The following POM121L2 variants were observed in gnomAD, a reference collection of about 807,000 sequenced individuals.
The protein encoded by POM121L2 is POM121-like protein 2.
For synonymous variants in POM121L2, 459 were observed against 483.8 expected (o/e 0.95, Z 0.67); for missense variants, 1,167 against 1,260.3 (o/e 0.93, Z 1.12).
At position 27,310,007 on chromosome 6, in the gene POM121L2, T is replaced by A. The variant is rs539097573; in HGVS notation, c.2164A>T (p.Arg722Trp). Residue 722 changes from arginine (R) to tryptophan (W), a missense_variant, in exon 1 of 1, where the codon AGG becomes TGG. Arg to Trp is a moderately radical substitution (Grantham distance 101, BLOSUM62 -3). Transcript: ENST00000444565. ...ISPRSSTANF[R>W]GMGSPLPASA... ...GCAGGCAGAGGGCTGCCCATACCCC[T>A]GAAATTAGCAGTGCTGCTTCTAGGG... 1 of 1,551,986 alleles carries A rather than the reference T, an allele frequency of 6.4e-7. No individual in the cohort carries two copies. Among genetic ancestry groups the A allele is most frequent in the South Asian group, 1.2e-5 (1 of 84,062 alleles).
rs928051923 is a variant in POM121L2, at chr6:27,311,721, G to A, written c.450C>T (p.Leu150=). The change falls in exon 1 of 1, where the codon CTC becomes CTT. Residue 150 remains leucine (L), a synonymous_variant. Coordinates refer to ENST00000444565, the MANE Select transcript of POM121L2 (RefSeq NM_033482.4). ...ALAGLPPSEE[L]ADPCSKETVL... ...CTGTCTCCTTTGAACATGGATCTGC[G>A]AGCTCCTCAGAGGGCGGGAGTCCTG... The A allele has an allele frequency of 6.4e-6, 10 of 1,551,690 alleles. No homozygotes were observed. The African/African-American group carries it at 1.4e-4, about 21-fold the overall frequency.
Position 27,309,038 on chromosome 6 carries a change from G to C in POM121L2, c.*25C>G. The C allele has an allele frequency of 6.7e-7, 1 of 1,502,894 alleles. No individual in the cohort carries two copies. The highest frequency in any genetic ancestry group is 8.9e-7 in the Non-Finnish European group (1 of 1,117,338). 93.1% of individuals were successfully genotyped at this position (1,502,894 alleles called of 1,614,324 possible). ...AAAAACAATACTGAGGTCTAAATCAGGGTGCAAGTGACAGGGAACACAGGC... is the reference window on the plus strand; with the variant it reads ...AAAAACAATACTGAGGTCTAAATCACGGTGCAAGTGACAGGGAACACAGGC... On this transcript the variant is annotated 3_prime_UTR_variant, in exon 1 of 1. Transcript: ENST00000444565.
At chr6:27,310,987 GT>G (rs1158090061) in intron 1 of POM121L2, 1 of 1,551,762 alleles carries the variant, frequency 6.4e-7, no homozygotes, top group Admixed American at 2.0e-5. Context: ...GGTTAGATCT[GT>G]TTCTGAAGAA....
rs1173395659 is a variant in POM121L2, at chr6:27,310,138, G to A, written c.2033C>T (p.Thr678Ile). 3 of 1,551,974 alleles carry A rather than the reference G, an allele frequency of 1.9e-6. No individual in the cohort carries two copies. Among genetic ancestry groups the A allele is most frequent in the Admixed American group, 2.0e-5 (1 of 51,014 alleles). The change falls in exon 1 of 1, where the codon ACC (threonine) becomes ATC (isoleucine). Residue 678 changes from threonine (T) to isoleucine (I), a missense_variant. Physicochemically the swap from Thr to Ile is moderately conservative, Grantham distance 89. Transcript: ENST00000444565. Reference protein sequence around the residue: ...GTAQAFRADFTPATGFIFPPH... With the variant: ...GTAQAFRADFIPATGFIFPPH... Reference sequence around the variant, plus strand: ...TGGGAAAATGAATCCTGTGGCTGGGGTGAAGTCGGCCCTGAAGGCCTGAGC... The same window carrying A: ...TGGGAAAATGAATCCTGTGGCTGGGATGAAGTCGGCCCTGAAGGCCTGAGC...
rs1337412507 is a variant in POM121L2, at chr6:27,309,982, G to A, written c.2189C>T (p.Ala730Val). ...CCAGTTTGTGGATACTAGGGCAGAG[G>A]CAGGCAGAGGGCTGCCCATACCCCT... ...NFRGMGSPLPASALVSTNWLA... is the reference protein window; with the variant it reads ...NFRGMGSPLPVSALVSTNWLA... Residue 730 changes from alanine (A) to valine (V), a missense_variant, in exon 1 of 1, where the codon GCC (alanine) becomes GTC (valine). By Grantham distance (64) the Ala-to-Val change is moderately conservative. Coordinates refer to ENST00000444565, the MANE Select transcript of POM121L2 (RefSeq NM_033482.4). 3.2e-6 allele frequency: 5 copies of A among 1,551,818 alleles called. No homozygotes were observed. The highest frequency in any genetic ancestry group is 2.0e-5 in the Admixed American group (1 of 51,016).
chr6:27,311,072 T>C lies in POM121L2; in HGVS notation c.1099A>G (p.Thr367Ala). 6.4e-7 allele frequency: 1 copy of C among 1,551,968 alleles called. No individual in the cohort carries two copies. The change falls in exon 1 of 1, where the codon ACA (threonine) becomes GCA (alanine). Residue 367 changes from threonine (T) to alanine (A), a missense_variant. By Grantham distance (58) the Thr-to-Ala change is moderately conservative. Transcript: ENST00000444565. ...LQVSNNAGED[T>A]TEVNTDPFPE... The stretch of plus-strand genomic sequence containing the variant: ...AAAGGGTCTGTGTTGACCTCAGTTG[T>C]ATCTTCTCCTGCGTTGTTGCTTACC...
In POM121L2 at chr6:27,310,687, G is replaced by A. The variant is rs1199546849; in HGVS notation, c.1484C>T (p.Pro495Leu). 3 of 1,551,788 alleles carry A rather than the reference G, an allele frequency of 1.9e-6. No homozygotes were observed. Among genetic ancestry groups the A allele is most frequent in the Non-Finnish European group, 2.6e-6 (3 of 1,147,060 alleles). The change falls in exon 1 of 1, where the codon CCC (proline) becomes CTC (leucine). Residue 495 changes from proline (P) to leucine (L), a missense_variant. Pro to Leu is a moderately conservative substitution (Grantham distance 98). Coordinates refer to ENST00000444565, the MANE Select transcript of POM121L2 (RefSeq NM_033482.4). The part of the protein sequence containing the change: ...STSQADRSPM[P>L]PDPPAPPTIQ... ...GGTGGGTGGTGCAGGTGGGTCTGGG[G>A]GCATGGGAGACCTGTCAGCCTGAGA... is the stretch of plus-strand genomic sequence containing the variant.
At position 27,308,534 on chromosome 6, in the gene POM121L2, T is replaced by C. The variant is rs1427178197; in HGVS notation, c.*529A>G. On this transcript the variant is annotated 3_prime_UTR_variant, in exon 1 of 1. Transcript: ENST00000444565. ...ATCAGCAATAAAAGAAATAAATTATTGATATAAGTAACAACTTGGATAAAT... is the reference window on the plus strand; with the variant it reads ...ATCAGCAATAAAAGAAATAAATTATCGATATAAGTAACAACTTGGATAAAT... Among the ~76,000 whole-genome samples the C allele has an allele frequency of 4.6e-5, 7 of 152,158 alleles. No individual in the cohort carries two copies. Among genetic ancestry groups the C allele is most frequent in the Admixed American group, 2.0e-4 (3 of 15,278 alleles).
Position 27,311,677 on chromosome 6 carries a change from T to C in POM121L2, c.494A>G (p.Glu165Gly), listed in dbSNP as rs1296957992. 1.3e-6 allele frequency: 2 copies of C among 1,551,874 alleles called. No homozygotes were observed. Among genetic ancestry groups the C allele is most frequent in the Admixed American group, 3.9e-5 (2 of 51,004 alleles). The change falls in exon 1 of 1, where the codon GAG becomes GGG. Residue 165 changes from glutamate to glycine, a missense_variant. Glu to Gly is a moderately conservative substitution (Grantham distance 98, BLOSUM62 -2). Transcript: ENST00000444565. ...CAACCTCCCTTTCCCTTTTCTGCAC[T>C]CTCTGAGGGCCCTCAACACTGTCTC... ...SKETVLRALR[E>G]CRKGKGRLEE...
In POM121L2 at chr6:27,312,015, C is replaced by A. The variant is rs899779012; in HGVS notation, c.156G>T (p.Arg52=). ...TTGGCCGCCTCCTCACAGGTCTATA[C>A]CGTGGGGCAGGGTGGGCGCGGTGGA... ...QFVHRAHPAP[R]YRPVRRRPNL... Residue 52 remains arginine (R), a synonymous_variant, in exon 1 of 1, where the codon CGG becomes CGT. Transcript: ENST00000444565. The surrounding 1 kb of genome is among the most constrained non-coding windows in gnomAD (Gnocchi z 6.7). 6.5e-7 allele frequency: 1 copy of A among 1,540,550 alleles called. No homozygotes were observed. Among genetic ancestry groups the A allele is most frequent in the African/African-American group, 1.4e-5 (1 of 72,802 alleles).
chr6:27,310,314 G>A lies in POM121L2; in HGVS notation c.1857C>T (p.Ala619=). Residue 619 remains alanine, a synonymous_variant, in exon 1 of 1, where the codon GCC becomes GCT. Transcript: ENST00000444565. Reference sequence around the variant, plus strand: ...GGGTGGTGGACATGACCACAGAGGTGGCCTTGACCAGGCCATGGAAATGAT... The same window carrying A: ...GGGTGGTGGACATGACCACAGAGGTAGCCTTGACCAGGCCATGGAAATGAT... ...STHHFHGLVK[A]TSVVMSTTLA... 1 of 1,552,250 alleles carries A rather than the reference G, an allele frequency of 6.4e-7. No individual in the cohort carries two copies. The highest frequency in any genetic ancestry group is 8.7e-7 in the Non-Finnish European group (1 of 1,147,110).
At position 27,309,443 on chromosome 6, in the gene POM121L2, G is replaced by A. The variant is rs1350207902; in HGVS notation, c.2728C>T (p.Pro910Ser). The change falls in exon 1 of 1, where the codon CCA becomes TCA. Residue 910 changes from proline (P) to serine (S), a missense_variant. By Grantham distance (74) the Pro-to-Ser change is moderately conservative (BLOSUM62 -1). Transcript: ENST00000444565. ...GCTCCAGAGGTGGGGCTCATGTCTGGACCAGTCATTATGATCCCAGACTCA... is the reference window on the plus strand; with the variant it reads ...GCTCCAGAGGTGGGGCTCATGTCTGAACCAGTCATTATGATCCCAGACTCA... ...CDESGIIMTG[P>S]DMSPTSGAFS... The A allele has an allele frequency of 3.2e-6, 5 of 1,551,570 alleles. 1 individual carries two copies. The South Asian group carries it at 6.0e-5, about 18-fold the overall frequency.
In POM121L2 at chr6:27,310,908, T is replaced by G; in HGVS notation, c.1263A>C (p.Pro421=). The G allele has an allele frequency of 6.4e-7, 1 of 1,551,810 alleles. No homozygotes were observed. The highest frequency in any genetic ancestry group is 8.7e-7 in the Non-Finnish European group (1 of 1,146,992). The change falls in exon 1 of 1, where the codon CCA becomes CCC. Residue 421 remains proline (P), a synonymous_variant. Coordinates refer to ENST00000444565, the MANE Select transcript of POM121L2 (RefSeq NM_033482.4). ...CACTGGTTGCCTCTCCCGTGGACTG[T>G]GGAGAGGCCAGTGGACCTAGAGACT... ...MQKSLGPLAS[P]QSTGEATSVA...
Position 27,311,447 on chromosome 6 carries a change from T to G in POM121L2, c.724A>C (p.Ser242Arg). 1 of 1,551,840 alleles carries G rather than the reference T, an allele frequency of 6.4e-7. No individual in the cohort carries two copies. The highest frequency in any genetic ancestry group is 2.4e-5 in the East Asian group (1 of 40,930). ...PNCSSMSSLA[S>R]IYRGGTLSSK... ...CTGAGGGTGCCACCTCTGTATATGC[T>G]GGCCAAGGAGCTCATGGAGGAGCAA... The change falls in exon 1 of 1, where the codon AGC becomes CGC. Residue 242 changes from serine to arginine, a missense_variant. Physicochemically the swap from Ser to Arg is moderately radical, Grantham distance 110 (BLOSUM62 -1). Transcript: ENST00000444565.
rs1561790014 is a variant in POM121L2 at position 27,309,686 on chromosome 6, C to T, written c.2485G>A (p.Gly829Arg). 1.3e-6 allele frequency: 2 copies of T among 1,551,686 alleles called. No homozygotes were observed. The highest frequency in any genetic ancestry group is 1.7e-6 in the Non-Finnish European group (2 of 1,147,006). ...GTGGAGGCTGAGGGTGTCAAACACC[C>T]CAAGGCTGACTGTGTGGTACTAATG... ...AFISTTQSAL[G>R]CLTPSASTSQ... The change falls in exon 1 of 1, where the codon GGG (glycine) becomes AGG (arginine). Residue 829 changes from glycine to arginine, a missense_variant. Gly to Arg is a moderately radical substitution (Grantham distance 125, BLOSUM62 -2). Transcript: ENST00000444565.
chr6:27,310,312 G>A lies in POM121L2; in HGVS notation c.1859C>T (p.Thr620Ile). The stretch of plus-strand genomic sequence containing the variant: ...TAGGGTGGTGGACATGACCACAGAG[G>A]TGGCCTTGACCAGGCCATGGAAATG... ...THHFHGLVKA[T>I]SVVMSTTLAS... Residue 620 changes from threonine to isoleucine, a missense_variant, in exon 1 of 1, where the codon ACC (threonine) becomes ATC (isoleucine). By Grantham distance (89) the Thr-to-Ile change is moderately conservative (BLOSUM62 -1). Transcript: ENST00000444565. 1 of 1,552,298 alleles carries A rather than the reference G, an allele frequency of 6.4e-7. No individual in the cohort carries two copies. Among genetic ancestry groups the A allele is most frequent in the African/African-American group, 1.4e-5 (1 of 73,188 alleles).
In POM121L2 at chr6:27,310,484, T is replaced by C. The variant is rs967112262; in HGVS notation, c.1687A>G (p.Ile563Val). ...RISVTAAASSISSLSTIQGTL... is the reference protein window; with the variant it reads ...RISVTAAASSVSSLSTIQGTL... ...CCCTGAATTGTGGAAAGGGAAGAGA[T>C]TGAAGATGCTGCAGCTGTGACTGAA... The change falls in exon 1 of 1, where the codon ATC becomes GTC. Residue 563 changes from isoleucine to valine, a missense_variant. Ile to Val is a conservative substitution (Grantham distance 29). Coordinates refer to ENST00000444565, the MANE Select transcript of POM121L2 (RefSeq NM_033482.4). The C allele has an allele frequency of 6.4e-6, 10 of 1,551,958 alleles. No homozygotes were observed. Among genetic ancestry groups the C allele is most frequent in the African/African-American group, 2.7e-5 (2 of 72,946 alleles).
chr6:27,309,231 C>A lies in POM121L2; in HGVS notation c.2940G>T (p.Lys980Asn). 4 of 1,551,850 alleles carry A rather than the reference C, an allele frequency of 2.6e-6. No individual in the cohort carries two copies. The highest frequency in any genetic ancestry group is 3.5e-6 in the Non-Finnish European group (4 of 1,147,038). ...AQNTPVPGQAKAGSSVGFGMP... is the reference protein window; with the variant it reads ...AQNTPVPGQANAGSSVGFGMP... Reference sequence around the variant, plus strand: ...TCCCAAAGCCAACACTGCTGCCTGCCTTAGCTTGTCCAGGGACTGGGGTGT... The same window carrying A: ...TCCCAAAGCCAACACTGCTGCCTGCATTAGCTTGTCCAGGGACTGGGGTGT... The change falls in exon 1 of 1, where the codon AAG becomes AAT. Residue 980 changes from lysine to asparagine, a missense_variant. Transcript: ENST00000444565.
Position 27,309,330 on chromosome 6 carries a change from G to A in POM121L2, c.2841C>T (p.Pro947=). The A allele has an allele frequency of 1.9e-6, 3 of 1,551,384 alleles. No individual in the cohort carries two copies. The highest frequency in any genetic ancestry group is 1.7e-6 in the Non-Finnish European group (2 of 1,146,816). The stretch of plus-strand genomic sequence containing the variant: ...CCAAGGAAAAAGCTGTGCGGTGGCT[G>A]GGCAGGCCTTCAGTGTTCTGGCTCC... ...KGWSQNTEGL[P]SHRTAFSLGR... Residue 947 remains proline, a synonymous_variant, in exon 1 of 1, where the codon CCC becomes CCT. Coordinates refer to ENST00000444565, the MANE Select transcript of POM121L2 (RefSeq NM_033482.4).
Sources: allele counts gnomAD v4.1 joint callset (sites outside exome capture counted in the v4.1 genomes callset), GRCh38; gene constraint gnomAD v4.1.1; non-coding constraint Gnocchi (gnomAD v3.1); transcripts MANE v1.5; gene names NCBI Gene and HGNC (gene_info 2026-07-23, HGNC 2026-07-21).